The following PKP4 variants were observed in gnomAD, a reference collection of about 807,000 sequenced individuals.
PKP4 encodes plakophilin-4.
In PKP4, 90 loss-of-function variants were observed where a neutral mutation model predicts 145.1. That is an observed-to-expected ratio of 0.62 (90% CI 0.52 to 0.74). PKP4 has a LOEUF of 0.74. Ranked by LOEUF, PKP4 falls within the 30% of genes least tolerant of loss-of-function variation. The pLI, the probability that PKP4 is intolerant of heterozygous loss-of-function variation, is 0.00. For synonymous variants in PKP4, 563 were observed against 577.2 expected (o/e 0.98, Z 0.35); for missense variants, 1,340 against 1,482.7 (o/e 0.90, Z 1.58).
intron 1 of PKP4, among the ~76,000 whole-genome samples, chr2:158,484,207 C>A (rs899579619): frequency 2.0e-5 from 3 of 151,922 alleles, no homozygotes; most frequent in Non-Finnish European, 4.4e-5. Flanking sequence ...GCCACCGCGC[C>A]CGGCTAATTT....
chr2:158,473,965 G>A (rs1266197807), intron 1 of PKP4, among the ~76,000 whole-genome samples: 8 of 152,168 alleles, frequency 5.3e-5, no homozygotes, highest in Non-Finnish European at 8.8e-5. Flanking sequence ...TTTTTCACTG[G>A]TTATGAAGCA....
intron 2 of PKP4, among the ~76,000 whole-genome samples, chr2:158,542,819 T>C (rs1238361995): frequency 6.6e-6 from 1 of 152,192 alleles, no homozygotes; most frequent in African/African-American, 2.4e-5. Context: ...CTGCTTCTGC[T>C]GCTACCACAA....
In PKP4 at chr2:158,680,545, C is replaced by T. The variant is rs762646830; in HGVS notation, c.3447C>T (p.His1149=). The T allele has an allele frequency of 2.5e-6, 4 of 1,614,156 alleles. No individual in the cohort carries two copies. In the East Asian group the frequency reaches 6.7e-5, roughly 27 times the overall value. The change falls in exon 22 of 22, where the codon CAC becomes CAT. Residue 1149 remains histidine, a synonymous_variant. Coordinates refer to ENST00000389759, the MANE Select transcript of PKP4 (RefSeq NM_003628.6). ...ATCCTTATTTTGATGACCGAGTTCA[C>T]TTTCCAGCTTCTACTGATTACTCAA... ...YEDPYFDDRV[H]FPASTDYSTQ...
chr2:158,664,217 T>A (rs563862168), intron 15 of PKP4, among the ~76,000 whole-genome samples: 2 of 151,984 alleles, frequency 1.3e-5, no homozygotes, highest in East Asian at 3.9e-4. Flanking sequence ...AGGTGAGAAA[T>A]CTTGAGTGGC....
chr2:158,530,827 T>C (rs1280668376), intron 1 of PKP4, among the ~76,000 whole-genome samples: 2 of 152,194 alleles, frequency 1.3e-5, no homozygotes, highest in Non-Finnish European at 2.9e-5. Flanking sequence ...GTCCTAACCT[T>C]TGAGGAATCA....
chr2:158,654,515 C>G (rs1023500479), intron 11 of PKP4, among the ~76,000 whole-genome samples: 3 of 152,086 alleles, frequency 2.0e-5, no homozygotes, highest in Admixed American at 6.6e-5. Flanking sequence ...CTGTTCCTTT[C>G]TATTTTGCAC....
intron 1 of PKP4, among the ~76,000 whole-genome samples, chr2:158,497,313 G>GCA (rs1229067982): frequency 4.9e-5 from 7 of 143,560 alleles, no homozygotes; most frequent in Non-Finnish European, 9.6e-5. Flanking sequence ...ATTTGCATTT[G>GCA]TATTTGCATT....
chr2:158,605,759 A>G (rs560115971), intron 4 of PKP4, among the ~76,000 whole-genome samples: 142 of 152,266 alleles, frequency 9.3e-4, no homozygotes, highest in African/African-American at 3.3e-3. Flanking sequence ...TCACCCCTAA[A>G]AGAAACCATG....
intron 1 of PKP4, among the ~76,000 whole-genome samples, chr2:158,463,805 C>T (rs1360089048): frequency 1.3e-5 from 2 of 152,178 alleles, no homozygotes; most frequent in Non-Finnish European, 2.9e-5. Context: ...AAGTTGTATA[C>T]TTGAAATTCT....
At chr2:158,518,300 A>G (rs2042092416) in intron 1 of PKP4, among the ~76,000 whole-genome samples, 1 of 152,330 alleles carries the variant, frequency 6.6e-6, no homozygotes, top group East Asian at 1.9e-4. Context: ...TCAGGGTTTC[A>G]AAAGAAGCTG....
intron 2 of PKP4, among the ~76,000 whole-genome samples, chr2:158,540,982 CT>C (rs2044477618): frequency 6.6e-6 from 1 of 152,046 alleles, no homozygotes; most frequent in African/African-American, 2.4e-5. Flanking sequence ...TAATTTCCCC[CT>C]GTATATGCAA....
intron 16 of PKP4, among the ~76,000 whole-genome samples, chr2:158,667,532 T>C (rs1421911908): frequency 1.3e-5 from 2 of 152,154 alleles, no homozygotes; most frequent in Admixed American, 1.3e-4. Flanking sequence ...TGTGAATCTA[T>C]AGTAAACTTA....
intron 1 of PKP4, among the ~76,000 whole-genome samples, chr2:158,524,472 C>T (rs1324493413): frequency 1.7e-4 from 20 of 120,444 alleles, no homozygotes; most frequent in East Asian, 1.2e-3. Context: ...TAAAAGAGCT[C>T]CTGAAGGAAG....
At chr2:158,647,912 T>C (rs557886307) in intron 11 of PKP4, among the ~76,000 whole-genome samples, 6 of 152,346 alleles carry the variant, frequency 3.9e-5, no homozygotes, top group African/African-American at 1.2e-4. Context: ...AAAAAAGATA[T>C]GTTGAACTCA....
intron 4 of PKP4, among the ~76,000 whole-genome samples, chr2:158,605,065 G>A (rs2050541877): frequency 6.6e-6 from 1 of 152,164 alleles, no homozygotes; most frequent in South Asian, 2.1e-4. Context: ...CAGCATTTAA[G>A]GTCGTTACTG....
chr2:158,628,266 A>G (rs2053011919), intron 7 of PKP4, among the ~76,000 whole-genome samples: 2 of 152,300 alleles, frequency 1.3e-5, no homozygotes, highest in East Asian at 3.9e-4. Context: ...GGTGTGAGCC[A>G]CCACACCCAG....
At chr2:158,621,752 A>G (rs947769065) in intron 6 of PKP4, among the ~76,000 whole-genome samples, 2 of 144,670 alleles carry the variant, frequency 1.4e-5, no homozygotes, top group Admixed American at 6.8e-5. Context: ...TCTCAAAACA[A>G]AAAAAAAAAA....
At chr2:158,544,350 T>A (rs1305090587) in intron 2 of PKP4, among the ~76,000 whole-genome samples, 3 of 152,178 alleles carry the variant, frequency 2.0e-5, no homozygotes. Context: ...AAAGCATTGT[T>A]ATGGATATCC....
At position 158,631,803 on chromosome 2, in the gene PKP4, C is replaced by T. The variant is rs770946081; in HGVS notation, c.1204C>T (p.Arg402Cys). 7.4e-6 allele frequency: 12 copies of T among 1,613,986 alleles called. No homozygotes were observed. The Admixed American group carries it at 8.3e-5, about 11-fold the overall frequency. The change falls in exon 8 of 22, where the codon CGT becomes TGT. Residue 402 changes from arginine to cysteine, a missense_variant. Transcript: ENST00000389759. ...GCATAGTCAGCTTGGGCAAGACCTTCGTTCTGCCGTGTCTCCCGACTTGCA... is the reference window on the plus strand; with the variant it reads ...GCATAGTCAGCTTGGGCAAGACCTTTGTTCTGCCGTGTCTCCCGACTTGCA... The part of the protein sequence containing the change: ...SQHSQLGQDL[R>C]SAVSPDLHIT...
Sources: allele counts gnomAD v4.1 joint callset (sites outside exome capture counted in the v4.1 genomes callset), GRCh38; gene constraint gnomAD v4.1.1; transcripts MANE v1.5; gene names NCBI Gene and HGNC (gene_info 2026-07-23, HGNC 2026-07-21).